Variants in UNC13C observed in about 807,000 individuals in gnomAD.
The protein encoded by UNC13C is unc-13 homolog C, also known as protein unc-13 homolog C.
Under a neutral mutation model 245.4 loss-of-function variants are expected in UNC13C, and 174 were observed. That is an observed-to-expected ratio of 0.71 (90% CI 0.63 to 0.80). The LOEUF is 0.80. UNC13C is among the 30% of genes least tolerant of loss of function. The pLI is 0.00. For synonymous variants in UNC13C, 992 were observed against 895.1 expected, an observed-to-expected ratio of 1.11 and a Z score of -1.93; for missense variants, 2,829 against 2,602.9, an observed-to-expected ratio of 1.09 and a Z score of -1.89.
At chr15:54,403,314 G>A (rs2040225686) in intron 18 of UNC13C, among the ~76,000 whole-genome samples, 1 of 152,038 alleles carries the variant, frequency 6.6e-6, no homozygotes, top group Non-Finnish European at 1.5e-5. Flanking sequence ...GATGAGGCGG[G>A]TGGGTCTCTT....
the UNC13C span, among the ~76,000 whole-genome samples, chr15:53,954,992 C>G: frequency 1.3e-5 from 2 of 152,066 alleles, no homozygotes; most frequent in African/African-American, 4.8e-5. Flanking sequence ...AATGAGCTGG[C>G]TAGGACGTAT....
chr15:54,478,084 A>G (rs1390636601), intron 19 of UNC13C, among the ~76,000 whole-genome samples: 9 of 151,796 alleles, frequency 5.9e-5, no homozygotes, highest in East Asian at 3.9e-4. Flanking sequence ...TAGATTTTCT[A>G]GTTTATTTGC....
chr15:54,622,535 G>T, intron 31 of UNC13C, 116 bp downstream of exon 31: 1 of 744,280 alleles, frequency 1.3e-6, no homozygotes. Context: ...TTTAGGGCAT[G>T]CACAAAATTT....
At chr15:54,111,835 G>A (rs1900790858) in intron 2 of UNC13C, among the ~76,000 whole-genome samples, 1 of 152,136 alleles carries the variant, frequency 6.6e-6, no homozygotes, top group Admixed American at 6.5e-5. Flanking sequence ...GGGAGATACT[G>A]CCCTTCCCCA....
At chr15:54,363,521 AAAG>A (rs2039285412) in intron 17 of UNC13C, among the ~76,000 whole-genome samples, 1 of 152,216 alleles carries the variant, frequency 6.6e-6, no homozygotes, top group Non-Finnish European at 1.5e-5. Context: ...AAATCAGGTT[AAAG>A]AAGAAAAGAG....
At chr15:54,406,067 A>G (rs2040286265) in intron 18 of UNC13C, among the ~76,000 whole-genome samples, 1 of 152,186 alleles carries the variant, frequency 6.6e-6, no homozygotes, top group Non-Finnish European at 1.5e-5. Flanking sequence ...AGATCCATTA[A>G]CAAGAGAAGA....
chr15:54,180,592 G>A (rs111711173), intron 4 of UNC13C, among the ~76,000 whole-genome samples: 5,413 of 152,058 alleles, frequency 0.036, 278 homozygotes, highest in East Asian at 0.11. Flanking sequence ...TTTCCACAGT[G>A]ACCAAACTAA....
chr15:54,582,092 G>A (rs368196975), intron 30 of UNC13C, among the ~76,000 whole-genome samples: 1 of 151,528 alleles, frequency 6.6e-6, no homozygotes, highest in East Asian at 1.9e-4. Flanking sequence ...AGGAGAGAGG[G>A]AGGGAATGAG....
At chr15:53,872,349 T>G in the UNC13C span, among the ~76,000 whole-genome samples, 1 of 4,568 alleles carries the variant, frequency 2.2e-4, no homozygotes, top group Non-Finnish European at 0.014. Context: ...CATTCATAGA[T>G]TTTTTTTTTT....
At chr15:54,464,624 AC>A (rs1002551621) in intron 19 of UNC13C, among the ~76,000 whole-genome samples, 2 of 152,116 alleles carry the variant, frequency 1.3e-5, no homozygotes, top group Admixed American at 6.6e-5. Context: ...AAGTTTAAAA[AC>A]TTTTAAATCA....
At chr15:54,301,705 TG>T in intron 13 of UNC13C, among the ~76,000 whole-genome samples, 1 of 152,326 alleles carries the variant, frequency 6.6e-6, no homozygotes, top group Non-Finnish European at 1.5e-5. Flanking sequence ...GCATTTGGGT[TG>T]GTTCCAAGTC....
intron 2 of UNC13C, among the ~76,000 whole-genome samples, chr15:54,029,741 A>G (rs1354845818): frequency 6.6e-6 from 1 of 152,194 alleles, no homozygotes; most frequent in East Asian, 1.9e-4. Context: ...TTAAGCCTTC[A>G]CACAGCTTCA....
intron 30 of UNC13C, among the ~76,000 whole-genome samples, chr15:54,621,301 C>T (rs774601657): frequency 6.6e-6 from 1 of 152,014 alleles, no homozygotes; most frequent in Non-Finnish European, 1.5e-5. Flanking sequence ...ATTAAAACGC[C>T]ACATAACTTT....
At chr15:54,308,528 G>C (rs76900377) in intron 13 of UNC13C, among the ~76,000 whole-genome samples, 6 of 151,662 alleles carry the variant, frequency 4.0e-5, no homozygotes, top group African/African-American at 1.5e-4. Context: ...CACGCTGTTA[G>C]CATTTTTCAA....
intron 30 of UNC13C, among the ~76,000 whole-genome samples, chr15:54,590,268 G>C (rs1047301862): frequency 2.6e-5 from 4 of 152,132 alleles, no homozygotes; most frequent in African/African-American, 9.7e-5. Flanking sequence ...CTTTGGCTAT[G>C]TGGGCTCTTA....
intron 32 of UNC13C, among the ~76,000 whole-genome samples, chr15:54,625,334 TGCAAACA>T (rs757955695): frequency 6.6e-6 from 1 of 151,802 alleles, no homozygotes; most frequent in South Asian, 2.1e-4. Context: ...AGCATTCTAT[TGCAAACA>T]GCAAAAAGGA....
intron 2 of UNC13C, among the ~76,000 whole-genome samples, chr15:54,074,303 A>G (rs1321412828): frequency 2.0e-5 from 3 of 152,174 alleles, no homozygotes; most frequent in Non-Finnish European, 2.9e-5. Flanking sequence ...GTTTGAAGTC[A>G]GTTAGCATGA....
At chr15:54,478,886 G>C (rs1029280778) in intron 19 of UNC13C, among the ~76,000 whole-genome samples, 4 of 152,038 alleles carry the variant, frequency 2.6e-5, no homozygotes, top group African/African-American at 9.7e-5. Flanking sequence ...CTGTCTTGTT[G>C]ATCTGTCTAA....
the UNC13C span, among the ~76,000 whole-genome samples, chr15:53,952,441 C>T: frequency 6.6e-6 from 1 of 152,184 alleles, no homozygotes; most frequent in Non-Finnish European, 1.5e-5. Flanking sequence ...TCTCTTCCCC[C>T]ATCAACTCAC....
Sources: gnomAD v4.1 joint callset for allele counts (sites outside exome capture counted in the v4.1 genomes callset) on GRCh38, gnomAD v4.1.1 for gene constraint, MANE v1.5 for transcripts, NCBI Gene and HGNC (gene_info 2026-07-23, HGNC 2026-07-21) for gene names.